The following HS6ST3 variants were observed in gnomAD, a reference collection of about 807,000 sequenced individuals.
HS6ST3 encodes heparan-sulfate 6-O-sulfotransferase 3.
HS6ST3 carries 12 observed loss-of-function variants against 36.7 expected under a neutral mutation model. The ratio of observed to expected loss-of-function variants is 0.33; its 90% CI spans 0.21 to 0.53. The LOEUF is 0.53. Ranked by LOEUF, HS6ST3 falls within the 20% of genes least tolerant of loss-of-function variation. HS6ST3 has a pLI of 0.95. For synonymous variants in HS6ST3, 240 were observed against 257.5 expected (o/e 0.93, Z 0.65); for missense variants, 584 against 640.9 (o/e 0.91, Z 0.96).
At chr13:96,260,250 CCTTCCTT>C in intron 1 of HS6ST3, among the ~76,000 whole-genome samples, 1 of 149,822 alleles carries the variant, frequency 6.7e-6, no homozygotes, top group South Asian at 2.1e-4. Flanking sequence ...TTCCTTCCTT[CCTTCCTT>C]CCTTCCTTCC....
chr13:96,813,347 A>G (rs566065622), intron 1 of HS6ST3, among the ~76,000 whole-genome samples: 1 of 152,176 alleles, frequency 6.6e-6, no homozygotes, highest in African/African-American at 2.4e-5. Context: ...CTCAACATGC[A>G]GCTCTTCTTC....
chr13:96,188,439 A>AC (rs55778492), intron 1 of HS6ST3, among the ~76,000 whole-genome samples: 2 of 152,068 alleles, frequency 1.3e-5, no homozygotes, highest in African/African-American at 4.8e-5. Context: ...ACATCGTGAG[A>AC]CCCCCCCATC....
intron 1 of HS6ST3, among the ~76,000 whole-genome samples, chr13:96,562,305 A>G (rs191177234): frequency 6.6e-6 from 1 of 152,180 alleles, no homozygotes; most frequent in Non-Finnish European, 1.5e-5. Flanking sequence ...GTTCTCACTT[A>G]TAAGTGGGAG....
At chr13:96,526,078 A>G (rs1453181804) in intron 1 of HS6ST3, among the ~76,000 whole-genome samples, 1 of 151,908 alleles carries the variant, frequency 6.6e-6, no homozygotes. Flanking sequence ...AAAAGAGAAG[A>G]CATATAGTCT....
At position 96,742,050 on chromosome 13, in the gene HS6ST3, G is replaced by T. The variant is rs139706217; in HGVS notation, c.708-90440G>T. On this transcript the variant is annotated intron_variant, in intron 1 of 1. Transcript: ENST00000376705. ...ATCTTTAAAGTTATATGAACATCCC[G>T]TTGAGAGAGAGTGTGTGAAAGCGGT... 2.6e-5 allele frequency among the ~76,000 whole-genome samples: 4 copies of T among 152,216 alleles called. No individual in the cohort carries two copies. In the East Asian group the frequency reaches 7.7e-4, roughly 29 times the overall value.
chr13:96,274,189 C>T (rs1409422540), intron 1 of HS6ST3, among the ~76,000 whole-genome samples: 2 of 151,708 alleles, frequency 1.3e-5, no homozygotes, highest in Admixed American at 6.6e-5. Context: ...AATATGGCCA[C>T]TAGCAGCTCC....
At chr13:96,823,143 G>T (rs555017811) in intron 1 of HS6ST3, among the ~76,000 whole-genome samples, 1 of 152,274 alleles carries the variant, frequency 6.6e-6, no homozygotes, top group African/African-American at 2.4e-5. Context: ...CAGGCCTCAT[G>T]GAATAGTCAA....
intron 1 of HS6ST3, among the ~76,000 whole-genome samples, chr13:96,623,154 G>T (rs2056500650): frequency 6.6e-6 from 1 of 152,028 alleles, no homozygotes; most frequent in Non-Finnish European, 1.5e-5. Flanking sequence ...TTACTTAGGT[G>T]TAAGCATTAG....
chr13:96,546,160 A>C (rs1459581979), intron 1 of HS6ST3, among the ~76,000 whole-genome samples: 1 of 152,122 alleles, frequency 6.6e-6, no homozygotes, highest in Non-Finnish European at 1.5e-5. Context: ...TATAGATAGT[A>C]GGTCTCAAGC....
At chr13:96,271,435 C>CA (rs1298963577) in intron 1 of HS6ST3, among the ~76,000 whole-genome samples, 1 of 151,918 alleles carries the variant, frequency 6.6e-6, no homozygotes, top group African/African-American at 2.4e-5. Flanking sequence ...GAGCTGGCTC[C>CA]AGCACATCAC....
At chr13:96,151,961 C>G (rs1327100633) in intron 1 of HS6ST3, among the ~76,000 whole-genome samples, 1 of 152,210 alleles carries the variant, frequency 6.6e-6, no homozygotes, top group Non-Finnish European at 1.5e-5. Context: ...CTAATTACAT[C>G]TGCAAAACCA....
intron 1 of HS6ST3, among the ~76,000 whole-genome samples, chr13:96,318,718 C>T (rs1217053470): frequency 6.6e-6 from 1 of 151,750 alleles, no homozygotes; most frequent in Non-Finnish European, 1.5e-5. Context: ...GGCTTTATTT[C>T]TGAGCTTTCT....
At chr13:96,599,308 A>G (rs947943981) in intron 1 of HS6ST3, among the ~76,000 whole-genome samples, 1 of 151,934 alleles carries the variant, frequency 6.6e-6, no homozygotes, top group African/African-American at 2.4e-5. Flanking sequence ...TTACTTATTC[A>G]TTCTCACTGC....
intron 1 of HS6ST3, among the ~76,000 whole-genome samples, chr13:96,293,086 T>C (rs1388005528): frequency 6.6e-6 from 1 of 152,090 alleles, no homozygotes; most frequent in Non-Finnish European, 1.5e-5. Context: ...TAAAATAGTA[T>C]AGATATTTAT....
At chr13:96,184,134 G>T (rs1463312718) in intron 1 of HS6ST3, among the ~76,000 whole-genome samples, 3 of 150,120 alleles carry the variant, frequency 2.0e-5, no homozygotes, top group Non-Finnish European at 4.4e-5. Context: ...CTGGCAGGGG[G>T]AGGTTGCAAT....
chr13:96,435,713 A>G (rs1487226670), intron 1 of HS6ST3, among the ~76,000 whole-genome samples: 1 of 152,160 alleles, frequency 6.6e-6, no homozygotes, highest in Admixed American at 6.5e-5. Context: ...CCTTTCCCTC[A>G]ACCTGTTAAC....
chr13:96,412,001 T>A (rs1438467519), intron 1 of HS6ST3, among the ~76,000 whole-genome samples: 2 of 152,084 alleles, frequency 1.3e-5, no homozygotes, highest in African/African-American at 4.8e-5. Context: ...TTCTTTTCTT[T>A]ATTTTTTCTT....
At chr13:96,242,144 G>A (rs1177727839) in intron 1 of HS6ST3, among the ~76,000 whole-genome samples, 1 of 151,816 alleles carries the variant, frequency 6.6e-6, no homozygotes, top group African/African-American at 2.4e-5. Context: ...AAAACTTTAT[G>A]CCTGTTGAAC....
chr13:96,659,425 A>C (rs1406834923), intron 1 of HS6ST3, among the ~76,000 whole-genome samples: 3 of 152,102 alleles, frequency 2.0e-5, no homozygotes, highest in African/African-American at 7.2e-5. Flanking sequence ...TTTGTTAGAC[A>C]TATGTATTAT....
Sources: gnomAD v4.1 joint callset for allele counts (sites outside exome capture counted in the v4.1 genomes callset) on GRCh38, gnomAD v4.1.1 for gene constraint, MANE v1.5 for transcripts, NCBI Gene and HGNC (gene_info 2026-07-23, HGNC 2026-07-21) for gene names.